The following EYS variants were observed in gnomAD, a reference collection of about 807,000 sequenced individuals.
EYS encodes protein eyes shut homolog.
Under a neutral mutation model 282.1 loss-of-function variants are expected in EYS, and 250 were observed. The observed-to-expected ratio is 0.89, with a 90% CI of 0.80 to 0.98. The LOEUF is 0.98. Among genes scored for constraint, EYS ranks in the 50% least tolerant of loss-of-function variants. EYS has a pLI of 0.00. For missense variants in EYS, 4,016 were observed against 3,709.0 expected, an observed-to-expected ratio of 1.08 and a Z score of -2.15; for synonymous variants, 1,355 against 1,282.9, an observed-to-expected ratio of 1.06 and a Z score of -1.20.
chr6:65,026,596 T>TGACA (rs1037794757), intron 13 of EYS, among the ~76,000 whole-genome samples: 12 of 152,134 alleles, frequency 7.9e-5, no homozygotes, highest in African/African-American at 2.9e-4. Context: ...CCTAGCATTT[T>TGACA]GGAAAATACT....
intron 19 of EYS, among the ~76,000 whole-genome samples, chr6:64,884,094 T>C (rs563970190): frequency 3.3e-5 from 5 of 151,732 alleles, no homozygotes; most frequent in Non-Finnish European, 7.4e-5. Context: ...TAATGTGTTC[T>C]TCAAAGAATG....
chr6:65,416,926 A>G (rs1012159890), intron 5 of EYS, among the ~76,000 whole-genome samples: 1 of 152,000 alleles, frequency 6.6e-6, no homozygotes, highest in African/African-American at 2.4e-5. Flanking sequence ...ATACAAGAAA[A>G]TTGAAGAAAG....
At position 65,578,596 on chromosome 6, in the gene EYS, G is replaced by A. The variant is rs146518747; in HGVS notation, c.-333+61182C>T. 2.5e-3 allele frequency among the ~76,000 whole-genome samples: 379 copies of A among 151,820 alleles called. 7 individuals carry two copies. Among genetic ancestry groups the A allele is most frequent in the Admixed American group, 0.02 (307 of 15,202 alleles). ...ATTGCAAAGCAATAGATTTTGAAGTGTTCTCAGTATTAAAAAAAATGATAA... is the reference window on the plus strand; with the variant it reads ...ATTGCAAAGCAATAGATTTTGAAGTATTCTCAGTATTAAAAAAAATGATAA... On this transcript the variant is annotated intron_variant, in intron 2 of 42. Coordinates refer to ENST00000503581, the MANE Select transcript of EYS (RefSeq NM_001142800.2).
intron 4 of EYS, among the ~76,000 whole-genome samples, chr6:65,493,272 C>T (rs1437522895): frequency 3.9e-5 from 6 of 152,138 alleles, no homozygotes; most frequent in African/African-American, 1.4e-4. Context: ...GAGTCAGCCT[C>T]AGGCACAGGG....
chr6:65,280,530 A>G (rs2150274725), intron 12 of EYS, among the ~76,000 whole-genome samples: 1 of 152,300 alleles, frequency 6.6e-6, no homozygotes, highest in Non-Finnish European at 1.5e-5. Flanking sequence ...TTAATGCTGT[A>G]TAATTTATAT....
intron 22 of EYS, among the ~76,000 whole-genome samples, chr6:64,796,452 A>C (rs1280777977): frequency 6.6e-6 from 1 of 152,164 alleles, no homozygotes; most frequent in Non-Finnish European, 1.5e-5. Flanking sequence ...CCACAGGAGT[A>C]GGAGACAGGA....
At chr6:64,476,175 A>C (rs866867129) in intron 26 of EYS, among the ~76,000 whole-genome samples, 2 of 152,252 alleles carry the variant, frequency 1.3e-5, no homozygotes, top group East Asian at 3.9e-4. Flanking sequence ...CCTGGACAAC[A>C]ATAGTTAATT....
intron 22 of EYS, among the ~76,000 whole-genome samples, chr6:64,803,373 G>A (rs1764318033): frequency 6.6e-6 from 1 of 151,312 alleles, no homozygotes; most frequent in Admixed American, 6.6e-5. Context: ...GACTGAAGGT[G>A]TGTGTGTGGG....
At chr6:65,354,748 C>T (rs1764414711) in intron 8 of EYS, among the ~76,000 whole-genome samples, 1 of 151,808 alleles carries the variant, frequency 6.6e-6, no homozygotes, top group Non-Finnish European at 1.5e-5. Context: ...ACCAGGGACG[C>T]AGAGATTGCG....
At chr6:65,140,701 C>T (rs1764308255) in intron 12 of EYS, among the ~76,000 whole-genome samples, 1 of 152,034 alleles carries the variant, frequency 6.6e-6, no homozygotes, top group African/African-American at 2.4e-5. Flanking sequence ...AGACACATCT[C>T]AAAAGAAGAC....
chr6:65,272,481 A>T (rs1767932097), intron 12 of EYS, among the ~76,000 whole-genome samples: 1 of 152,138 alleles, frequency 6.6e-6, no homozygotes. Context: ...GAGTTTAGCC[A>T]GGAGCCCAGC....
chr6:64,030,166 A>G (rs1769751363), intron 33 of EYS, among the ~76,000 whole-genome samples: 1 of 152,188 alleles, frequency 6.6e-6, no homozygotes, highest in African/African-American at 2.4e-5. Flanking sequence ...TCAGAAACAG[A>G]GACAAAGAAA....
intron 29 of EYS, among the ~76,000 whole-genome samples, chr6:64,342,329 C>T (rs1771152233): frequency 6.6e-6 from 1 of 151,796 alleles, no homozygotes; most frequent in Non-Finnish European, 1.5e-5. Context: ...GGTCGGGTTA[C>T]CCACAAAGGG....
chr6:65,306,967 G>T (rs1419600186), intron 11 of EYS, among the ~76,000 whole-genome samples: 1 of 137,726 alleles, frequency 7.3e-6, no homozygotes, highest in African/African-American at 2.6e-5. Flanking sequence ...GTATTTTTAA[G>T]TTTGGGAGTA....
intron 31 of EYS, among the ~76,000 whole-genome samples, chr6:64,187,214 T>C (rs1298191064): frequency 1.3e-5 from 2 of 152,108 alleles, no homozygotes; most frequent in African/African-American, 2.4e-5. Context: ...TTCTTATCTT[T>C]AAAATTTTTA....
chr6:63,924,036 G>A (rs929246193), intron 35 of EYS, among the ~76,000 whole-genome samples: 2 of 151,452 alleles, frequency 1.3e-5, no homozygotes, highest in African/African-American at 4.9e-5. Context: ...AGCTTACAGA[G>A]AAAATGCATA....
chr6:64,215,314 GT>G (rs1382855111), intron 31 of EYS, among the ~76,000 whole-genome samples: 3 of 151,066 alleles, frequency 2.0e-5, no homozygotes, highest in East Asian at 1.9e-4. Flanking sequence ...AATTTTTAAA[GT>G]TTTTTTTCAA....
intron 30 of EYS, among the ~76,000 whole-genome samples, chr6:64,274,481 G>GTTTTTTTTTTTTTTTTTT (rs10640761): frequency 8.7e-5 from 8 of 92,226 alleles, no homozygotes; most frequent in African/African-American, 2.4e-4. Context: ...ACGCCTGGCC[G>GTTTTTTTTTTTTTTTTTT]TTTTTTTTTT....
chr6:64,801,028 G>C (rs552038513), intron 22 of EYS, among the ~76,000 whole-genome samples: 8 of 151,980 alleles, frequency 5.3e-5, no homozygotes, highest in Admixed American at 3.9e-4. Context: ...ATAATGAGAA[G>C]TTTATCTCAT....
Sources: gnomAD v4.1 joint callset for allele counts (sites outside exome capture counted in the v4.1 genomes callset) on GRCh38, gnomAD v4.1.1 for gene constraint, MANE v1.5 for transcripts, NCBI Gene and HGNC (gene_info 2026-07-23, HGNC 2026-07-21) for gene names.